SRSF11: variants seen among roughly 807,000 people sequenced by gnomAD.
The protein encoded by SRSF11 is serine and arginine rich splicing factor 11.
A neutral mutation model predicts 56.0 loss-of-function variants in SRSF11; 9 were observed. The ratio of observed to expected loss-of-function variants is 0.16; its 90% CI spans 0.10 to 0.28. The LOEUF (loss-of-function observed/expected upper bound fraction) is 0.28, where lower values mean the gene tolerates loss of function less well. Ranked by LOEUF, SRSF11 falls within the 10% of genes least tolerant of loss-of-function variation. The pLI is 1.00. For synonymous variants in SRSF11, 222 were observed against 215.3 expected, an observed-to-expected ratio of 1.03 and a Z score of -0.27; for missense variants, 421 against 600.7, an observed-to-expected ratio of 0.70 and a Z score of 3.13.
chr1:70,232,444 T>C, intron 3 of SRSF11, 67 bp downstream of exon 3: 3 of 1,262,166 alleles, frequency 2.4e-6, no homozygotes, highest in African/African-American at 1.5e-5. Flanking sequence ...GCTAAACATA[T>C]TTGAACTTTG....
chr1:70,237,668 A>G, intron 6 of SRSF11, 116 bp downstream of exon 6: 1 of 1,423,206 alleles, frequency 7.0e-7, no homozygotes, highest in Non-Finnish European at 9.5e-7. Flanking sequence ...AACTCTGATA[A>G]AAGATTGTAT....
intron 2 of SRSF11, chr1:70,230,600 G>A: frequency 7.8e-7 from 1 of 1,285,876 alleles, no homozygotes; most frequent in Non-Finnish European, 1.0e-6. Flanking sequence ...AAATACTCTT[G>A]ACGCATGAAA....
intron 2 of SRSF11, chr1:70,230,251 A>G: frequency 1.0e-6 from 1 of 1,000,444 alleles, no homozygotes; most frequent in South Asian, 4.3e-5. Flanking sequence ...AATTAGGGGA[A>G]TATTTCATTC....
At chr1:70,234,081 G>C (rs1480307750) in intron 3 of SRSF11, among the ~76,000 whole-genome samples, 1 of 152,152 alleles carries the variant, frequency 6.6e-6, no homozygotes, top group Admixed American at 6.5e-5. Context: ...CTGGGGAGCT[G>C]CATAAGGAGT....
chr1:70,237,288 A>G (rs540530808), intron 5 of SRSF11, 137 bp from the exon 6 acceptor site: 21 of 1,054,988 alleles, frequency 2.0e-5, no homozygotes, highest in Admixed American at 2.7e-5. Context: ...TTGTTTACCA[A>G]AGTTATCATG....
chr1:70,207,671 T>C (rs1669172163), intron 1 of SRSF11, among the ~76,000 whole-genome samples: 1 of 151,562 alleles, frequency 6.6e-6, no homozygotes, highest in Non-Finnish European at 1.5e-5. Context: ...ATTGCTCGAG[T>C]ACAAAATTTT....
At chr1:70,235,607 T>G in intron 5 of SRSF11, 57 bp downstream of exon 5, 1 of 1,536,360 alleles carries the variant, frequency 6.5e-7, no homozygotes, top group Non-Finnish European at 8.8e-7. Context: ...TCTACAGAAT[T>G]AGAGTTTTTT....
At chr1:70,241,080 C>T (rs934025552) in intron 7 of SRSF11, among the ~76,000 whole-genome samples, 1 of 152,144 alleles carries the variant, frequency 6.6e-6, no homozygotes, top group African/African-American at 2.4e-5. Context: ...CCATTCACCA[C>T]TTGACTCTTA....
chr1:70,252,693 T>C lies in SRSF11; in HGVS notation c.*1888T>C, dbSNP rs1678117799. Reference sequence around the variant, plus strand: ...GACATTTGTTTTAAACTTTAGTAGATAAAAGGTGAACCATGTGACATGGGC... The same window carrying C: ...GACATTTGTTTTAAACTTTAGTAGACAAAAGGTGAACCATGTGACATGGGC... On this transcript the variant is annotated 3_prime_UTR_variant, in exon 12 of 12. Transcript: ENST00000370949. 6.6e-6 allele frequency: 1 copy of C among 152,150 alleles called. No individual in the cohort carries two copies. The highest frequency in any genetic ancestry group is 2.4e-5 in the African/African-American group (1 of 41,426). The allele number at this position is 152,150 out of a possible 1,614,324, so 9.4% of individuals were successfully genotyped here. A position where few individuals can be genotyped will look rare whatever the true frequency, so the allele number is the denominator to read the frequency against.
At chr1:70,246,208 AATG>A (rs1006964067) in intron 8 of SRSF11, among the ~76,000 whole-genome samples, 4 of 151,984 alleles carry the variant, frequency 2.6e-5, no homozygotes, top group African/African-American at 9.7e-5. Context: ...TCTTGGGGAG[AATG>A]ATGATCTTGG....
chr1:70,207,721 G>A (rs1174082540), intron 1 of SRSF11, among the ~76,000 whole-genome samples: 1 of 141,344 alleles, frequency 7.1e-6, no homozygotes, highest in East Asian at 2.2e-4. Flanking sequence ...TTCTTCTTTC[G>A]TTCTTTTTTT....
At chr1:70,229,367 T>C (rs186926284) in intron 2 of SRSF11, 1 of 1,186,252 alleles carries the variant, frequency 8.4e-7, no homozygotes. Flanking sequence ...TTCTCTCTTT[T>C]TACATTTTAG....
At chr1:70,228,740 GTTA>G (rs1467684493) in intron 2 of SRSF11, 185 bp downstream of exon 2, 30 of 1,271,364 alleles carry the variant, frequency 2.4e-5, no homozygotes, top group Middle Eastern at 5.9e-4. Flanking sequence ...AATTAGGTCT[GTTA>G]TTATAAGGTA....
At chr1:70,239,006 G>A (rs1674721404) in intron 6 of SRSF11, among the ~76,000 whole-genome samples, 1 of 152,162 alleles carries the variant, frequency 6.6e-6, no homozygotes, top group Admixed American at 6.5e-5. Flanking sequence ...ACATTCAAGG[G>A]TTGTATGTAA....
intron 3 of SRSF11, among the ~76,000 whole-genome samples, chr1:70,234,416 G>T (rs191205498): frequency 4.3e-4 from 66 of 152,234 alleles, no homozygotes; most frequent in African/African-American, 1.5e-3. Context: ...GGGGAAATGT[G>T]TTGTAATGGG....
At chr1:70,227,810 G>A (rs560805062) in intron 1 of SRSF11, among the ~76,000 whole-genome samples, 2 of 152,296 alleles carry the variant, frequency 1.3e-5, no homozygotes, top group Middle Eastern at 3.4e-3. Flanking sequence ...CTAGTGGAAC[G>A]TAGTACTACT....
chr1:70,222,181 CTGAG>C (rs1228066850), intron 1 of SRSF11, among the ~76,000 whole-genome samples: 1 of 151,312 alleles, frequency 6.6e-6, no homozygotes, highest in Non-Finnish European at 1.5e-5. Context: ...TTTTAAAAAA[CTGAG>C]TATTTGTTCT....
rs556059616 is a variant in SRSF11, at chr1:70,243,289, G to A, written c.801-1395G>A. On this transcript the variant is annotated intron_variant, in intron 7 of 11. Coordinates refer to ENST00000370949, the MANE Select transcript of SRSF11 (RefSeq NM_001350605.2). ...AAAACTCAGTCCTGACTATACATGG[G>A]TTCCTCATCCTTCAAATACTGTTTT... 2.3e-5 allele frequency among the ~76,000 whole-genome samples: 3 copies of A among 130,482 alleles called. No individual in the cohort carries two copies. The East Asian group carries it at 7.6e-4, about 33-fold the overall frequency. The allele number at this position is 130,482 out of a possible 152,430, so 85.6% of individuals were successfully genotyped here.
intron 2 of SRSF11, chr1:70,231,265 C>A: frequency 8.4e-7 from 1 of 1,184,586 alleles, no homozygotes; most frequent in South Asian, 1.7e-5. Context: ...CTGGTATTTG[C>A]AAATATGTAG....
Sources: allele counts gnomAD v4.1 joint callset (sites outside exome capture counted in the v4.1 genomes callset), GRCh38; gene constraint gnomAD v4.1.1; transcripts MANE v1.5; gene names NCBI Gene and HGNC (gene_info 2026-07-23, HGNC 2026-07-21).